ZNF423: variants seen among roughly 807,000 people sequenced by gnomAD.
The protein encoded by ZNF423 is zinc finger protein 423.
In ZNF423, 12 loss-of-function variants were observed where a neutral mutation model predicts 95.8. That is an observed-to-expected ratio of 0.13 (90% confidence interval 0.08 to 0.20). The LOEUF is 0.20. Ranked by LOEUF, ZNF423 falls within the 10% of genes least tolerant of loss-of-function variation. The probability of loss-of-function intolerance (pLI) is 1.00; values close to 1 mark genes in which losing one functional copy is unlikely to be tolerated. For synonymous variants in ZNF423, 749 were observed against 711.9 expected (o/e 1.05, Z -0.83); for missense variants, 1,316 against 1,737.1 (o/e 0.76, Z 4.31).
rs571108664 is a variant in ZNF423 at position 49,627,060 on chromosome 16, T to C, written c.3517-806A>G. On this transcript the variant is annotated intron_variant, in intron 4 of 7. Coordinates refer to ENST00000563137, the MANE Select transcript of ZNF423 (RefSeq NM_001379286.1). ...ATACACCCACCAATAGACCCATCCA[T>C]CCATCCTCCATCTACCCATCCATCC... Among the ~76,000 whole-genome samples the C allele has an allele frequency of 3.7e-5, 4 of 107,154 alleles. No individual in the cohort carries two copies. In the South Asian group the frequency reaches 2.0e-3, roughly 54 times the overall value. 70.3% of individuals were successfully genotyped at this position (107,154 alleles called of 152,430 possible).
intron 3 of ZNF423, among the ~76,000 whole-genome samples, chr16:49,688,210 C>T (rs574141965): frequency 6.6e-6 from 1 of 152,192 alleles, no homozygotes; most frequent in Non-Finnish European, 1.5e-5. Flanking sequence ...TGCCCAGGGA[C>T]CGAGCTTAAG....
intron 3 of ZNF423, among the ~76,000 whole-genome samples, chr16:49,667,157 C>CA (rs1309546513): frequency 6.6e-6 from 1 of 152,136 alleles, no homozygotes; most frequent in African/African-American, 2.4e-5. Context: ...CTTCCTCATC[C>CA]AAAAAATAAG....
At chr16:49,593,364 G>A (rs1025495574) in intron 5 of ZNF423, among the ~76,000 whole-genome samples, 2 of 152,080 alleles carry the variant, frequency 1.3e-5, no homozygotes, top group African/African-American at 2.4e-5. Context: ...GAGCCTGGGA[G>A]GTCAAGGCTG....
chr16:49,593,478 T>A (rs1971082448), intron 5 of ZNF423, among the ~76,000 whole-genome samples: 1 of 151,058 alleles, frequency 6.6e-6, no homozygotes, highest in Admixed American at 6.6e-5. Context: ...CTCACTCTTG[T>A]CCCTTAGAGG....
chr16:49,710,182 A>G (rs2032498800), intron 3 of ZNF423, among the ~76,000 whole-genome samples: 1 of 152,178 alleles, frequency 6.6e-6, no homozygotes, highest in Admixed American at 6.5e-5. Context: ...AAATAACAAT[A>G]ATGACAATAA....
In ZNF423 at chr16:49,819,249, C is replaced by CAAAA. The variant is rs34167954; in HGVS notation, c.41-29707_41-29704dup. ...TGGGTGACAGAGTGAGATTCCGTCTCAAAAAAAAAAAAAAAAAAAATGGCA... is the reference window on the plus strand; with the variant it reads ...TGGGTGACAGAGTGAGATTCCGTCTCAAAAAAAAAAAAAAAAAAAAAAAATGGCA... On this transcript the variant is annotated intron_variant, in intron 1 of 7. Coordinates refer to ENST00000563137, the MANE Select transcript of ZNF423 (RefSeq NM_001379286.1). Among the ~76,000 whole-genome samples the CAAAA allele has an allele frequency of 7.0e-4, 51 of 72,636 alleles. 1 individual carries two copies. Among genetic ancestry groups the CAAAA allele is most frequent in the African/African-American group, 2.3e-3 (40 of 17,476 alleles). 47.7% of individuals were successfully genotyped at this position (72,636 alleles called of 152,430 possible). A position where few individuals can be genotyped will look rare whatever the true frequency, so the allele number is the denominator to read the frequency against.
At chr16:49,528,038 C>A (rs1260584804) in intron 5 of ZNF423, among the ~76,000 whole-genome samples, 1 of 152,186 alleles carries the variant, frequency 6.6e-6, no homozygotes, top group Non-Finnish European at 1.5e-5. Flanking sequence ...GAAATACTCA[C>A]AGAGGAGAGA....
intron 4 of ZNF423, among the ~76,000 whole-genome samples, chr16:49,628,340 C>T (rs1972380284): frequency 4.6e-5 from 7 of 151,250 alleles, no homozygotes; most frequent in Admixed American, 4.6e-4. Flanking sequence ...CCCACGCATC[C>T]ATCCTCTATC....
rs1682895202 is a variant in ZNF423 at position 49,698,141 on chromosome 16, G to A, written c.301+32630C>T. ...GAGCAAGATCAGATGAGCTCCCGGA[G>A]TGACACGTCCTTAACTTTTCAGTGG... On this transcript the variant is annotated intron_variant, in intron 3 of 7. Transcript: ENST00000563137. 2.6e-5 allele frequency among the ~76,000 whole-genome samples: 4 copies of A among 152,334 alleles called. 2 individuals carry two copies. The South Asian group carries it at 8.3e-4, about 32-fold the overall frequency.
At position 49,637,625 on chromosome 16, in the gene ZNF423, G is replaced by A; in HGVS notation, c.1551C>T (p.Asn517=). 6.2e-7 allele frequency: 1 copy of A among 1,614,072 alleles called. No homozygotes were observed. The highest frequency in any genetic ancestry group is 8.5e-7 in the Non-Finnish European group (1 of 1,180,044). ...IRVSHCGPNA[N]PSDGNNAFFC... is the part of the protein sequence containing the mutation. ...AGAAAGCATTATTACCGTCAGAGGG[G>A]TTGGCGTTGGGGCCGCAGTGGGAGA... is the stretch of plus-strand genomic sequence containing the variant. The change falls in exon 4 of 8, where the codon AAC becomes AAT. Residue 517 remains asparagine (N), a synonymous_variant. Transcript: ENST00000563137. This position sits in a 1 kb window ranked among gnomAD's most constrained non-coding sequence, Gnocchi z 5.6.
At chr16:49,559,095 C>T (rs573263912) in intron 5 of ZNF423, among the ~76,000 whole-genome samples, 2 of 152,226 alleles carry the variant, frequency 1.3e-5, no homozygotes, top group Non-Finnish European at 1.5e-5. Context: ...TTCTCACCAT[C>T]CCCTGGACTC....
intron 5 of ZNF423, among the ~76,000 whole-genome samples, chr16:49,534,997 C>T (rs1969004040): frequency 6.6e-6 from 1 of 152,208 alleles, no homozygotes; most frequent in East Asian, 1.9e-4. Flanking sequence ...CTTCTTGCTT[C>T]TCTCTCTTGA....
intron 2 of ZNF423, among the ~76,000 whole-genome samples, chr16:49,736,827 A>C (rs1176214000): frequency 6.6e-6 from 1 of 152,150 alleles, no homozygotes; most frequent in Non-Finnish European, 1.5e-5. Flanking sequence ...TTCCCACCTC[A>C]CTGAGCTACT....
At chr16:49,547,767 T>C (rs543816203) in intron 5 of ZNF423, among the ~76,000 whole-genome samples, 1 of 152,326 alleles carries the variant, frequency 6.6e-6, no homozygotes, top group Non-Finnish European at 1.5e-5. Flanking sequence ...CTCTTGACGA[T>C]AATGGCTTTA....
intron 1 of ZNF423, among the ~76,000 whole-genome samples, chr16:49,830,307 A>AT (rs905431328): frequency 6.6e-6 from 1 of 152,088 alleles, no homozygotes; most frequent in African/African-American, 2.4e-5. Context: ...GACTGATGAG[A>AT]TGTGAGGGAG....
At position 49,509,678 on chromosome 16, in the gene ZNF423, C is replaced by T. The variant is rs77981882; in HGVS notation, c.3849+13946G>A. Among the ~76,000 whole-genome samples, 1,346 of 152,262 alleles carry T rather than the reference C, an allele frequency of 8.8e-3. 24 individuals carry two copies. Among genetic ancestry groups the T allele is most frequent in the African/African-American group, 0.031 (1,277 of 41,538 alleles). ...AAGACATCCCCAGCCATGCCAGACC[C>T]CAGCCTCCTGATGCAGGCAGCCATC... On this transcript the variant is annotated intron_variant, in intron 7 of 7. Transcript: ENST00000563137.
chr16:49,786,968 T>C (rs559219031), intron 2 of ZNF423, among the ~76,000 whole-genome samples: 4 of 152,322 alleles, frequency 2.6e-5, no homozygotes, highest in Non-Finnish European at 4.4e-5. Context: ...GTCAACCAGA[T>C]GGCTGTCCCT....
At position 49,730,978 on chromosome 16, in the gene ZNF423, A is replaced by G. The variant is rs2033153179; in HGVS notation, c.101-7T>C. ...GGCTCTCCTTCTAGGCCTCCTGCCAACAGGAAGAATACAGTCCATGTCAGC... is the reference window on the plus strand; with the variant it reads ...GGCTCTCCTTCTAGGCCTCCTGCCAGCAGGAAGAATACAGTCCATGTCAGC... On this transcript the variant is annotated splice_region_variant and splice_polypyrimidine_tract_variant and intron_variant, in intron 2 of 7. Coordinates refer to ENST00000563137, the MANE Select transcript of ZNF423 (RefSeq NM_001379286.1). 1 of 1,614,186 alleles carries G rather than the reference A, an allele frequency of 6.2e-7. No homozygotes were observed. Among genetic ancestry groups the G allele is most frequent in the Non-Finnish European group, 8.5e-7 (1 of 1,180,008 alleles).
At chr16:49,848,073 C>T (rs115667593) in intron 1 of ZNF423, among the ~76,000 whole-genome samples, 1,858 of 152,064 alleles carry the variant, frequency 0.012, 38 homozygotes, top group African/African-American at 0.042. Flanking sequence ...CACTGCACTC[C>T]AGCCTGGGGG....
Sources: allele counts gnomAD v4.1 joint callset (sites outside exome capture counted in the v4.1 genomes callset), GRCh38; gene constraint gnomAD v4.1.1; non-coding constraint Gnocchi (gnomAD v3.1); transcripts MANE v1.5; gene names NCBI Gene and HGNC (gene_info 2026-07-23, HGNC 2026-07-21).